VPS13A: variants seen among roughly 807,000 people sequenced by gnomAD.
VPS13A encodes intermembrane lipid transfer protein VPS13A.
VPS13A carries 264 observed loss-of-function variants against 390.9 expected under a neutral mutation model. The observed-to-expected ratio is 0.68, with a 90% CI of 0.61 to 0.75. VPS13A has a LOEUF of 0.75. Ranked by LOEUF, VPS13A falls within the 30% of genes least tolerant of loss-of-function variation. The probability of loss-of-function intolerance (pLI) is 0.00; values close to 1 mark genes in which losing one functional copy is unlikely to be tolerated. For synonymous variants in VPS13A, 1,231 were observed against 1,227.1 expected (o/e 1.00, Z -0.07); for missense variants, 3,409 against 3,733.9 (o/e 0.91, Z 2.27).
intron 45 of VPS13A, 114 bp from the exon 46 acceptor site, chr9:77,331,896 A>T (rs1012193715): frequency 2.9e-6 from 2 of 700,982 alleles, no homozygotes; most frequent in African/African-American, 3.6e-5. Flanking sequence ...TATAAGCAAG[A>T]TGAATATTGC....
intron 67 of VPS13A, among the ~76,000 whole-genome samples, chr9:77,376,441 A>G (rs896933417): frequency 1.6e-4 from 24 of 152,320 alleles, no homozygotes; most frequent in African/African-American, 4.8e-4. Context: ...CAGTAATCCA[A>G]GTGAGTGACA....
In VPS13A at chr9:77,312,533, TCTC is replaced by T. The variant is rs748842428; in HGVS notation, c.4115-1456_4115-1454del. On this transcript the variant is annotated intron_variant, in intron 35 of 71. Coordinates refer to ENST00000360280, the MANE Select transcript of VPS13A (RefSeq NM_033305.3). ...GCTCCGCCTCCCGGGTTCACACCAT[TCTC>T]CTGCCTCAGCCTCCCAAGTAGCTGG... Among the ~76,000 whole-genome samples, 3 of 151,972 alleles carry T rather than the reference TCTC, an allele frequency of 2.0e-5. No individual in the cohort carries two copies. The South Asian group carries it at 6.2e-4, about 32-fold the overall frequency.
chr9:77,357,316 CAAAAAAAAAAAAAAAA>C (rs1156801817), intron 55 of VPS13A, among the ~76,000 whole-genome samples: 9,711 of 45,000 alleles, frequency 0.22, 583 homozygotes, highest in Middle Eastern at 0.42. Flanking sequence ...GACTCTGTCT[CAAAAAAAAAAAAAAAA>C]AAAAAAAAAA....
chr9:77,406,903 C>G (rs1397043483), intron 70 of VPS13A, among the ~76,000 whole-genome samples: 1 of 152,058 alleles, frequency 6.6e-6, no homozygotes, highest in African/African-American at 2.4e-5. Context: ...TCTGTTTGCC[C>G]CTGATATGCT....
intron 52 of VPS13A, 54 bp downstream of exon 52, chr9:77,345,196 G>A: frequency 1.9e-6 from 3 of 1,577,454 alleles, no homozygotes; most frequent in Non-Finnish European, 2.6e-6. Context: ...AGATGATGAG[G>A]CACAGTTTTT....
chr9:77,270,994 G>GA (rs934118216), intron 23 of VPS13A, among the ~76,000 whole-genome samples: 1 of 151,890 alleles, frequency 6.6e-6, no homozygotes, highest in African/African-American at 2.4e-5. Context: ...TATAACAGGA[G>GA]AAAAAAATAA....
At chr9:77,240,546 C>T (rs538522959) in intron 19 of VPS13A, among the ~76,000 whole-genome samples, 9 of 144,230 alleles carry the variant, frequency 6.2e-5, no homozygotes, top group South Asian at 2.2e-4. Context: ...GGCATAATCT[C>T]GGCTCGCTGC....
chr9:77,332,589 AT>A (rs1219171322), intron 46 of VPS13A, among the ~76,000 whole-genome samples: 1 of 151,814 alleles, frequency 6.6e-6, no homozygotes, highest in Non-Finnish European at 1.5e-5. Context: ...TTAATTTTAA[AT>A]TTTTAAAGTA....
rs1835198858 is a variant in VPS13A at position 77,417,299 on chromosome 9, ATTC to A, written c.*1298_*1300del. On this transcript the variant is annotated 3_prime_UTR_variant, in exon 72 of 72. Transcript: ENST00000360280. ...ACTCTGTATAGTCAATAGTTGTGAA[ATTC>A]TTCTCAGGCTCCTTAAACCCTCGCT... The A allele has an allele frequency of 1.3e-5, 2 of 152,176 alleles. No homozygotes were observed. The highest frequency in any genetic ancestry group is 1.3e-4 in the Admixed American group (2 of 15,268). The allele number at this position is 152,176 out of a possible 1,614,324, so 9.4% of individuals were successfully genotyped here.
intron 7 of VPS13A, 72 bp from the exon 8 acceptor site, chr9:77,212,897 G>C: frequency 6.7e-7 from 1 of 1,485,480 alleles, no homozygotes; most frequent in Non-Finnish European, 9.4e-7. Flanking sequence ...GGGTATGGTA[G>C]ATAATGATTT....
At chr9:77,232,357 T>A (rs1003977896) in intron 17 of VPS13A, among the ~76,000 whole-genome samples, 8 of 152,224 alleles carry the variant, frequency 5.3e-5, no homozygotes, top group African/African-American at 1.9e-4. Context: ...TTTGGTAGTA[T>A]TGCCATAATA....
intron 67 of VPS13A, among the ~76,000 whole-genome samples, chr9:77,372,886 T>C (rs1832860719): frequency 6.6e-6 from 1 of 152,030 alleles, no homozygotes; most frequent in Admixed American, 6.6e-5. Flanking sequence ...CCATTCACAA[T>C]TGCTTCAAAG....
intron 68 of VPS13A, among the ~76,000 whole-genome samples, chr9:77,401,486 A>G (rs535491415): frequency 5.9e-5 from 9 of 152,252 alleles, no homozygotes; most frequent in African/African-American, 1.7e-4. Flanking sequence ...ATAGAGTGGT[A>G]TGGCTTTTAT....
intron 1 of VPS13A, among the ~76,000 whole-genome samples, chr9:77,186,663 C>T (rs1280241905): frequency 6.6e-6 from 1 of 152,146 alleles, no homozygotes; most frequent in Non-Finnish European, 1.5e-5. Context: ...GTCTTGATCT[C>T]TTGACCTAGT....
intron 19 of VPS13A, among the ~76,000 whole-genome samples, chr9:77,242,490 A>G (rs1403559479): frequency 2.0e-5 from 3 of 152,040 alleles, no homozygotes; most frequent in African/African-American, 7.2e-5. Context: ...ATAGTTTTAA[A>G]TTAGATTGTA....
rs373533854 is a variant in VPS13A, at chr9:77,204,354, A to G, written c.188-959A>G. 1.4e-3 allele frequency among the ~76,000 whole-genome samples: 219 copies of G among 152,230 alleles called. 1 individual carries two copies. Among genetic ancestry groups the G allele is most frequent in the African/African-American group, 5.1e-3 (213 of 41,568 alleles). ...GTGAGTAGTATAAGAAACCCCATAC[A>G]TAGTGTTTTTGTAGTTCAAGAACCC... On this transcript the variant is annotated intron_variant, in intron 3 of 71. Coordinates refer to ENST00000360280, the MANE Select transcript of VPS13A (RefSeq NM_033305.3).
At chr9:77,218,724 A>G (rs1046227483) in intron 10 of VPS13A, among the ~76,000 whole-genome samples, 4 of 150,608 alleles carry the variant, frequency 2.7e-5, no homozygotes, top group Non-Finnish European at 5.9e-5. Context: ...TTCCTGACAC[A>G]TTCCTCTTTG....
In VPS13A at chr9:77,405,898, C is replaced by A; in HGVS notation, c.9310C>A (p.Gln3104Lys). The change falls in exon 70 of 72, where the codon CAA becomes AAA. Residue 3104 changes from glutamine to lysine, a missense_variant. Physicochemically the swap from Gln to Lys is moderately conservative, Grantham distance 53 (BLOSUM62 1). Around this residue, in one of 5 missense-constraint regions of VPS13A, gnomAD observed 318 missense variants for 333.7 expected, o/e 0.95. Coordinates refer to ENST00000360280, the MANE Select transcript of VPS13A (RefSeq NM_033305.3). ...VLFVTKGTFGQLTCEWQYSFD... is the reference protein window; with the variant it reads ...VLFVTKGTFGKLTCEWQYSFD... ...GTTTGTAACAAAGGGAACATTTGGA[C>A]AACTCACGTGTGAGTGGCAGTATAG... 1 of 1,613,858 alleles carries A rather than the reference C, an allele frequency of 6.2e-7. No individual in the cohort carries two copies. Among genetic ancestry groups the A allele is most frequent in the Non-Finnish European group, 8.5e-7 (1 of 1,179,986 alleles).
chr9:77,402,256 T>G (rs549019160), intron 68 of VPS13A, among the ~76,000 whole-genome samples: 12 of 152,344 alleles, frequency 7.9e-5, no homozygotes, highest in African/African-American at 2.6e-4. Context: ...TTTAGTTTTT[T>G]AACTTCTTTC....
Sources: allele counts gnomAD v4.1 joint callset (sites outside exome capture counted in the v4.1 genomes callset), GRCh38; gene constraint gnomAD v4.1.1; regional missense constraint gnomAD v4.1.1; transcripts MANE v1.5; gene names NCBI Gene and HGNC (gene_info 2026-07-23, HGNC 2026-07-21).